The following MDN1 variants were observed in gnomAD, a reference collection of about 807,000 sequenced individuals.
MDN1 encodes midasin.
A neutral mutation model predicts 669.2 loss-of-function variants in MDN1; 266 were observed. The ratio of observed to expected loss-of-function variants is 0.40; its 90% CI spans 0.36 to 0.44. MDN1 has a LOEUF of 0.44. MDN1 is among the 20% of genes least tolerant of loss of function. The pLI is 1.00. For missense variants in MDN1, 5,940 were observed against 6,754.0 expected (o/e 0.88, Z 4.22); for synonymous variants, 2,385 against 2,457.1 (o/e 0.97, Z 0.87).
rs776942646 is a variant in MDN1, at chr6:89,758,784, C to A, written c.2605+32G>T. 22 of 1,612,438 alleles carry A rather than the reference C, an allele frequency of 1.4e-5. No individual in the cohort carries two copies. The African/African-American group carries it at 1.9e-4, about 14-fold the overall frequency. ...TCTAAAGTGGCCACAGGGCTTGACA[C>A]CAAGTCAAATCCCAAGGGATTCAAG... On this transcript the variant is annotated intron_variant, in intron 18 of 101. Transcript: ENST00000369393.
Position 89,770,819 on chromosome 6 carries a change from G to C in MDN1, c.2144+742C>G, listed in dbSNP as rs945189728. 2.2e-4 allele frequency among the ~76,000 whole-genome samples: 34 copies of C among 152,106 alleles called. 2 individuals carry two copies. The highest frequency in any genetic ancestry group is 2.2e-3 in the Admixed American group (34 of 15,266). On this transcript the variant is annotated intron_variant, in intron 15 of 101. Transcript: ENST00000369393. ...CGCCTGGCCCAGAACTTACACTTTAGATCAACTGTACTGTATACACAAACA... is the reference window on the plus strand; with the variant it reads ...CGCCTGGCCCAGAACTTACACTTTACATCAACTGTACTGTATACACAAACA...
chr6:89,759,140 T>A (rs1037580245), intron 17 of MDN1, among the ~76,000 whole-genome samples, 180 bp from the exon 18 acceptor site: 2 of 152,164 alleles, frequency 1.3e-5, no homozygotes, highest in Non-Finnish European at 2.9e-5. Flanking sequence ...TTTTTAAATG[T>A]CCAAAAAGGT....
At chr6:89,759,015 C>A in intron 17 of MDN1, 55 bp from the exon 18 acceptor site, 1 of 1,545,114 alleles carries the variant, frequency 6.5e-7, no homozygotes, top group South Asian at 1.1e-5. Context: ...GCACACTTGC[C>A]AAGAACAGTT....
chr6:89,664,403 G>C, intron 85 of MDN1, 84 bp downstream of exon 85: 1 of 1,504,482 alleles, frequency 6.6e-7, no homozygotes. Context: ...GATTATATTG[G>C]GTTCCTTATT....
chr6:89,659,260 C>G (rs1355755818), intron 88 of MDN1, among the ~76,000 whole-genome samples: 1 of 152,190 alleles, frequency 6.6e-6, no homozygotes, highest in African/African-American at 2.4e-5. Flanking sequence ...ATGGTCTCGG[C>G]TACTCAGCAG....
In MDN1 at chr6:89,740,281, G is replaced by A. The variant is rs1234920779; in HGVS notation, c.4546C>T (p.Arg1516Cys). ...CCAGGGTTCATGGTTGCTAGAATAC[G>A]AAATTTTTTCCCAGCAGTCAACAGC... ...IELLTAGKKFRILATMNPGGD... is the reference protein window; with the variant it reads ...IELLTAGKKFCILATMNPGGD... The change falls in exon 32 of 102, where the codon CGT becomes TGT. Residue 1516 changes from arginine (R) to cysteine (C), a missense_variant. Physicochemically the swap from Arg to Cys is radical, Grantham distance 180. This residue lies in a region of MDN1 where 2,292 missense variants were observed against 2,638.3 expected (regional missense o/e 0.87). Coordinates refer to ENST00000369393, the MANE Select transcript of MDN1 (RefSeq NM_014611.3). The A allele has an allele frequency of 3.7e-6, 6 of 1,611,422 alleles. No homozygotes were observed. The highest frequency in any genetic ancestry group is 2.7e-5 in the African/African-American group (2 of 74,764).
intron 15 of MDN1, among the ~76,000 whole-genome samples, chr6:89,770,266 T>C (rs1274296029): frequency 1.3e-5 from 2 of 151,916 alleles, no homozygotes; most frequent in African/African-American, 2.4e-5. Context: ...TAGCTGGGCA[T>C]GGTGGTGTGT....
rs140489711 is a variant in MDN1, at chr6:89,645,137, C to G, written c.16480G>C (p.Val5494Leu). The G allele has an allele frequency of 1.7e-4, 268 of 1,607,312 alleles. 1 individual carries two copies. The African/African-American group carries it at 3.3e-3, about 20-fold the overall frequency. The change falls in exon 101 of 102, where the codon GTA becomes CTA. Residue 5494 changes from valine to leucine, a missense_variant. Val to Leu is a conservative substitution (Grantham distance 32). Coordinates refer to ENST00000369393, the MANE Select transcript of MDN1 (RefSeq NM_014611.3). The part of the protein sequence containing the change: ...ISSETAQLLL[V>L]VSDGRGLFLE... ...AAAAGGCCTCGCCCATCAGAGACTA[C>G]CAGGAGGAGTTGTGCAGTTTCTGTA...
intron 45 of MDN1, among the ~76,000 whole-genome samples, chr6:89,715,199 C>T (rs1258619173): frequency 4.6e-5 from 7 of 152,190 alleles, no homozygotes; most frequent in Non-Finnish European, 8.8e-5. Context: ...CCACATTAAA[C>T]CTGCTCCTTT....
rs549109108 is a variant in MDN1, at chr6:89,772,640, A to C, written c.2016T>G (p.Pro672=). 12 of 1,614,080 alleles carry C rather than the reference A, an allele frequency of 7.4e-6. No homozygotes were observed. The highest frequency in any genetic ancestry group is 1.0e-5 in the Non-Finnish European group (12 of 1,180,030). Residue 672 remains proline (P), a synonymous_variant, in exon 14 of 102, where the codon CCT becomes CCG. Coordinates refer to ENST00000369393, the MANE Select transcript of MDN1 (RefSeq NM_014611.3). The part of the protein sequence containing the change: ...QLAVCVSKGE[P]VLLVGETGTG... ...TCCCGGTCTCTCCCACCAGCAACAC[A>C]GGCTCCCCTTTGCTGACACACACTG...
Position 89,794,637 on chromosome 6 carries a change from T to C in MDN1, c.494A>G (p.Glu165Gly), listed in dbSNP as rs1819476834. 1.9e-6 allele frequency: 3 copies of C among 1,613,754 alleles called. No individual in the cohort carries two copies. In the African/African-American group the frequency reaches 4.0e-5, roughly 22 times the overall value. The change falls in exon 3 of 102, where the codon GAG (glutamate) becomes GGG (glycine). Residue 165 changes from glutamate (E) to glycine (G), a missense_variant. Around this residue, in one of 5 missense-constraint regions of MDN1, gnomAD observed 1,203 missense variants for 1,268.9 expected, o/e 0.95. Transcript: ENST00000369393. ...FLQQEQSVFR[E>G]LWDWSVCVPL... Reference sequence around the variant, plus strand: ...GACACACACACTCCAGTCCCAGAGCTCCCGGAACACAGACTGCTCCTGCTG... The same window carrying C: ...GACACACACACTCCAGTCCCAGAGCCCCCGGAACACAGACTGCTCCTGCTG...
chr6:89,740,405 A>G, intron 31 of MDN1, 27 bp from the exon 32 acceptor site: 1 of 1,558,502 alleles, frequency 6.4e-7, no homozygotes, highest in Non-Finnish European at 8.6e-7. Flanking sequence ...AGAACAGTGA[A>G]AAGGGCTTAT....
chr6:89,714,119 C>T (rs1188054347), intron 46 of MDN1, among the ~76,000 whole-genome samples: 3 of 151,898 alleles, frequency 2.0e-5, no homozygotes, highest in African/African-American at 7.3e-5. Flanking sequence ...ACAAGCAATA[C>T]TTCATTTATT....
At chr6:89,727,580 T>C (rs567230603) in intron 37 of MDN1, among the ~76,000 whole-genome samples, 1 of 152,326 alleles carries the variant, frequency 6.6e-6, no homozygotes, top group African/African-American at 2.4e-5. Context: ...CTAGTGACGA[T>C]GCAGTTTTCC....
chr6:89,804,424 T>C (rs1767880464), intron 1 of MDN1, among the ~76,000 whole-genome samples: 2 of 152,160 alleles, frequency 1.3e-5, no homozygotes, highest in African/African-American at 4.8e-5. Flanking sequence ...GTACAGGGAC[T>C]AATACCTGGA....
Position 89,700,672 on chromosome 6 carries a change from G to A in MDN1, c.8612C>T (p.Ala2871Val), listed in dbSNP as rs772937792. ...LLQAWGLILR[A>V]NILEDVSLDE... ...TAGGCTGACATCTTCCAAAATATTT[G>A]CTCTGAGGATCAGTCCCCAGGCTTG... The change falls in exon 56 of 102, where the codon GCA becomes GTA. Residue 2871 changes from alanine (A) to valine (V), a missense_variant. Ala to Val is a moderately conservative substitution (Grantham distance 64, BLOSUM62 0). Coordinates refer to ENST00000369393, the MANE Select transcript of MDN1 (RefSeq NM_014611.3). The A allele has an allele frequency of 6.2e-7, 1 of 1,614,020 alleles. No individual in the cohort carries two copies. The highest frequency in any genetic ancestry group is 8.5e-7 in the Non-Finnish European group (1 of 1,180,028).
chr6:89,787,657 TCG>T lies in MDN1; in HGVS notation c.1334+195_1334+196del, dbSNP rs1491135430. 7.2e-4 allele frequency among the ~76,000 whole-genome samples: 108 copies of T among 149,718 alleles called. 3 individuals are homozygous for T. In the East Asian group the frequency reaches 9.6e-3, roughly 13 times the overall value. ...TTTAAACTGGTTACTTATTTTTAAGTCGGGGGGGGGACCTCTTATTTTATAAA... is the reference window on the plus strand; with the variant it reads ...TTTAAACTGGTTACTTATTTTTAAGTGGGGGGGGACCTCTTATTTTATAAA... On this transcript the variant is annotated intron_variant, in intron 8 of 101. Coordinates refer to ENST00000369393, the MANE Select transcript of MDN1 (RefSeq NM_014611.3).
At position 89,718,742 on chromosome 6, in the gene MDN1, G is replaced by A. The variant is rs1214965041; in HGVS notation, c.6321+25C>T. ...CCACGGGGTTTATTATGCTTTGCCAGAAAATATGAAGGCAGACTGGTTACC... is the reference window on the plus strand; with the variant it reads ...CCACGGGGTTTATTATGCTTTGCCAAAAAATATGAAGGCAGACTGGTTACC... On this transcript the variant is annotated intron_variant, in intron 42 of 101. Transcript: ENST00000369393. 4.3e-6 allele frequency: 7 copies of A among 1,611,220 alleles called. No individual in the cohort carries two copies. In the East Asian group the frequency reaches 1.6e-4, roughly 36 times the overall value.
At chr6:89,699,464 A>T in intron 58 of MDN1, 137 bp downstream of exon 58, 2 of 880,806 alleles carry the variant, frequency 2.3e-6, no homozygotes, top group Non-Finnish European at 3.3e-6. Context: ...TCTTCCCTTT[A>T]AGAGGCAATT....
Sources: gnomAD v4.1 joint callset for allele counts (sites outside exome capture counted in the v4.1 genomes callset) on GRCh38, gnomAD v4.1.1 for gene constraint, gnomAD v4.1.1 regional missense constraint, MANE v1.5 for transcripts, NCBI Gene and HGNC (gene_info 2026-07-23, HGNC 2026-07-21) for gene names.